HBEGF: variants seen among roughly 807,000 people sequenced by gnomAD.
The protein encoded by HBEGF is heparin binding EGF like growth factor.
HBEGF carries 8 observed loss-of-function variants against 19.5 expected under a neutral mutation model. The observed-to-expected ratio is 0.41, with a 90% CI of 0.24 to 0.74. The LOEUF is 0.74. Ranked by LOEUF, HBEGF falls within the 30% of genes least tolerant of loss-of-function variation. The pLI is 0.32. For synonymous variants in HBEGF, 97 were observed against 108.9 expected, an observed-to-expected ratio of 0.89 and a Z score of 0.68; for missense variants, 207 against 256.9, an observed-to-expected ratio of 0.81 and a Z score of 1.33.
At chr5:140,342,128 A>G (rs1766322498) in intron 3 of HBEGF, among the ~76,000 whole-genome samples, 1 of 152,190 alleles carries the variant, frequency 6.6e-6, no homozygotes, top group South Asian at 2.1e-4. Context: ...TGCCGCCATG[A>G]TGATCCCTCT....
At position 140,344,645 on chromosome 5, in the gene HBEGF, C is replaced by T. The variant is rs537813549; in HGVS notation, c.220+1266G>A. ...CAGCAGCCCCCACAGTCTTTCATTT[C>T]CTCTCATCCAGTCCCAGGCCCCCTC... On this transcript the variant is annotated intron_variant, in intron 2 of 5. Coordinates refer to ENST00000230990, the MANE Select transcript of HBEGF (RefSeq NM_001945.3). Among the ~76,000 whole-genome samples, 3 of 152,132 alleles carry T rather than the reference C, an allele frequency of 2.0e-5. No homozygotes were observed. In the South Asian group the frequency reaches 6.2e-4, roughly 32 times the overall value.
In HBEGF at chr5:140,344,087, G is replaced by A. The variant is rs4150206; in HGVS notation, c.221-1275C>T. On this transcript the variant is annotated intron_variant, in intron 2 of 5. Transcript: ENST00000230990. ...TGGGAGGCAGAGATTGCAGTGAGCT[G>A]AGATCGTGCCATTGCACTCCAGCCT... is the stretch of plus-strand genomic sequence containing the variant. Among the ~76,000 whole-genome samples the A allele has an allele frequency of 1.1e-3, 172 of 151,968 alleles. 2 individuals carry two copies. The highest frequency in any genetic ancestry group is 3.9e-3 in the African/African-American group (161 of 41,406).
Position 140,342,727 on chromosome 5 carries a change from C to T in HBEGF, c.306G>A (p.Gly102=), listed in dbSNP as rs1221438183. ...GKRKKKGKGL[G]KKRDPCLRKY... ...TCCGAAGACATGGGTCCCTCTTCTT[C>T]CCTAGCCCCTTGCCTTTCTTCTTTC... is the stretch of plus-strand genomic sequence containing the variant. Residue 102 remains glycine, a synonymous_variant, in exon 3 of 6, where the codon GGG becomes GGA. Coordinates refer to ENST00000230990, the MANE Select transcript of HBEGF (RefSeq NM_001945.3). 1 of 1,614,192 alleles carries T rather than the reference C, an allele frequency of 6.2e-7. No homozygotes were observed.
chr5:140,334,637 G>T (rs1766200113), intron 5 of HBEGF, 21 bp downstream of exon 5: 1 of 1,490,740 alleles, frequency 6.7e-7, no homozygotes, highest in Non-Finnish European at 9.4e-7. Flanking sequence ...TCATGTCATG[G>T]GGCAAAGGAT....
intron 3 of HBEGF, among the ~76,000 whole-genome samples, chr5:140,341,975 T>G (rs1332736645): frequency 6.6e-6 from 1 of 152,188 alleles, no homozygotes; most frequent in Non-Finnish European, 1.5e-5. Flanking sequence ...CGGGGGCTGA[T>G]GCCTAATGGG....
intron 3 of HBEGF, among the ~76,000 whole-genome samples, chr5:140,339,402 A>AT (rs1436426566): frequency 6.6e-6 from 1 of 151,886 alleles, no homozygotes; most frequent in Non-Finnish European, 1.5e-5. Context: ...TATTATTATT[A>AT]TTTTTTTGAG....
intron 5 of HBEGF, 64 bp downstream of exon 5, chr5:140,334,594 T>TG (rs1766199290): frequency 1.8e-6 from 2 of 1,120,324 alleles, no homozygotes; most frequent in South Asian, 2.5e-5. Context: ...CAGCACCCAC[T>TG]GAAGCACAGC....
intron 3 of HBEGF, among the ~76,000 whole-genome samples, chr5:140,341,844 C>T (rs950112700): frequency 2.0e-5 from 3 of 152,214 alleles, no homozygotes; most frequent in African/African-American, 7.2e-5. Context: ...CATGGCAGTG[C>T]TGTCATCCCT....
rs200905287 is a variant in HBEGF, at chr5:140,338,221, GA to G, written c.399-2195del. 4.9e-3 allele frequency among the ~76,000 whole-genome samples: 742 copies of G among 152,254 alleles called. 4 individuals carry two copies. Among genetic ancestry groups the G allele is most frequent in the African/African-American group, 0.016 (684 of 41,556 alleles). On this transcript the variant is annotated intron_variant, in intron 3 of 5. Transcript: ENST00000230990. ...TATTACTCATAACTTGAATAATAAA[GA>G]ATAATAATTAGCAATCATTGAAGGC...
intron 4 of HBEGF, among the ~76,000 whole-genome samples, chr5:140,335,332 C>T (rs1362953719): frequency 1.4e-5 from 2 of 146,098 alleles, no homozygotes; most frequent in South Asian, 2.2e-4. Context: ...TGCAGTGAGC[C>T]GAGATCACAC....
intron 3 of HBEGF, 63 bp downstream of exon 3, chr5:140,342,572 G>A: frequency 1.4e-6 from 2 of 1,469,568 alleles, no homozygotes; most frequent in Admixed American, 1.7e-5. Context: ...GTGACAACGA[G>A]GAACAGCCAC....
Position 140,334,066 on chromosome 5 carries a change from G to A in HBEGF, c.*233C>T, listed in dbSNP as rs1256119415. ...GGAGGGGAATCAGAAGGGCATGAAG[G>A]TCCCTTGCTTTTGCTTTCTTCTTAC... On this transcript the variant is annotated 3_prime_UTR_variant, in exon 6 of 6. Transcript: ENST00000230990. 1.3e-5 allele frequency: 2 copies of A among 152,650 alleles called. No homozygotes were observed. The highest frequency in any genetic ancestry group is 6.5e-5 in the Admixed American group (1 of 15,282). 9.5% of individuals were successfully genotyped at this position (152,650 alleles called of 1,614,324 possible).
chr5:140,334,803 C>G, intron 4 of HBEGF, 55 bp from the exon 5 acceptor site: 1 of 1,351,200 alleles, frequency 7.4e-7, no homozygotes, highest in Non-Finnish European at 1.1e-6. Flanking sequence ...AAGTGCAGGT[C>G]CAGAGCAGGT....
chr5:140,341,192 A>G (rs974734606), intron 3 of HBEGF, among the ~76,000 whole-genome samples: 1 of 152,208 alleles, frequency 6.6e-6, no homozygotes, highest in Non-Finnish European at 1.5e-5. Flanking sequence ...CTCTGGGTTT[A>G]GGTGGTCATC....
rs1377339817 is a variant in HBEGF at position 140,333,399 on chromosome 5, G to C, written c.*900C>G. 1 of 152,848 alleles carries C rather than the reference G, an allele frequency of 6.5e-6. No individual in the cohort carries two copies. The highest frequency in any genetic ancestry group is 2.4e-5 in the African/African-American group (1 of 41,466). The allele number at this position is 152,848 out of a possible 1,614,324, so 9.5% of individuals were successfully genotyped here. A position where few individuals can be genotyped will look rare whatever the true frequency, so the allele number is the denominator to read the frequency against. On this transcript the variant is annotated 3_prime_UTR_variant, in exon 6 of 6. Coordinates refer to ENST00000230990, the MANE Select transcript of HBEGF (RefSeq NM_001945.3). Reference sequence around the variant, plus strand: ...ACAAAATCGCCTAGGCAAGACTGAAGTCCAACTCATAGAGTGGCTCTGACC... The same window carrying C: ...ACAAAATCGCCTAGGCAAGACTGAACTCCAACTCATAGAGTGGCTCTGACC...
rs1581115324 is a variant in HBEGF, at chr5:140,346,592, C to A, written c.-264G>T. 2 of 515,528 alleles carry A rather than the reference C, an allele frequency of 3.9e-6. No homozygotes were observed. The highest frequency in any genetic ancestry group is 6.8e-6 in the Non-Finnish European group (2 of 292,044). The allele number at this position is 515,528 out of a possible 1,614,324, so 31.9% of individuals were successfully genotyped here. On this transcript the variant is annotated 5_prime_UTR_variant, in exon 1 of 6. The change creates a new upstream start codon in the 5' untranslated region. Coordinates refer to ENST00000230990, the MANE Select transcript of HBEGF (RefSeq NM_001945.3). The surrounding 1 kb of genome is among the most constrained non-coding windows in gnomAD (Gnocchi z 6.1). ...GCCAGCAGCGTGGCCCGCGTAGCTC[C>A]TTCGGCCGAATGAGCGCTGCCCGGC...
At chr5:140,343,136 TCCACC>T in intron 2 of HBEGF, 1 of 290,074 alleles carries the variant, frequency 3.4e-6, no homozygotes, top group Admixed American at 4.6e-5. Flanking sequence ...CACCCCACTG[TCCACC>T]TTACACCCCC....
rs1766191091 is a variant in HBEGF at position 140,333,998 on chromosome 5, G to A, written c.*301C>T. The A allele has an allele frequency of 6.6e-6, 1 of 152,490 alleles. No homozygotes were observed. Among genetic ancestry groups the A allele is most frequent in the African/African-American group, 2.4e-5 (1 of 41,392 alleles). 9.4% of individuals were successfully genotyped at this position (152,490 alleles called of 1,614,324 possible). ...ATTTAACCGGCATTCTAATCCAGAA[G>A]ATAAGTGTTTAAACAAACTTATGAG... is the stretch of plus-strand genomic sequence containing the variant. On this transcript the variant is annotated 3_prime_UTR_variant, in exon 6 of 6. Transcript: ENST00000230990.
At chr5:140,340,788 A>C (rs1766299958) in intron 3 of HBEGF, among the ~76,000 whole-genome samples, 1 of 152,156 alleles carries the variant, frequency 6.6e-6, no homozygotes, top group Non-Finnish European at 1.5e-5. Flanking sequence ...ACAGGAAAGA[A>C]AGATGAAAGC....
Sources: allele counts gnomAD v4.1 joint callset (sites outside exome capture counted in the v4.1 genomes callset), GRCh38; gene constraint gnomAD v4.1.1; non-coding constraint Gnocchi (gnomAD v3.1); transcripts MANE v1.5; gene names NCBI Gene and HGNC (gene_info 2026-07-23, HGNC 2026-07-21).